The following GPC5 variants were observed in gnomAD, a reference collection of about 807,000 sequenced individuals.
GPC5 encodes the protein glypican 5.
GPC5 carries 47 observed loss-of-function variants against 53.9 expected under a neutral mutation model. The observed-to-expected ratio is 0.87, with a 90% CI of 0.69 to 1.11. GPC5 has a LOEUF of 1.11. Among genes scored for constraint, GPC5 ranks in the 50% most tolerant of loss-of-function variants. The probability of loss-of-function intolerance (pLI) is 0.00; values close to 1 mark genes in which losing one functional copy is unlikely to be tolerated. For synonymous variants in GPC5, 286 were observed against 263.3 expected, an observed-to-expected ratio of 1.09 and a Z score of -0.84; for missense variants, 748 against 713.1, an observed-to-expected ratio of 1.05 and a Z score of -0.56.
chr13:91,540,333 G>A (rs772311621), intron 2 of GPC5, among the ~76,000 whole-genome samples: 6 of 152,174 alleles, frequency 3.9e-5, no homozygotes, highest in African/African-American at 7.2e-5. Context: ...CTCTGGCCAG[G>A]CCTTAGAATT....
At chr13:91,966,513 C>T (rs2040182163) in intron 6 of GPC5, among the ~76,000 whole-genome samples, 1 of 152,104 alleles carries the variant, frequency 6.6e-6, no homozygotes. Context: ...GAGATTGAGA[C>T]AGGTGTATGT....
Position 91,693,272 on chromosome 13 carries a change from T to C in GPC5, c.411T>C (p.Ala137=). ...CSTYRNMALE[A]AASVQEFFTD... ...CCTACAGGAACATGGCCTTGGAGGC[T>C]GCTGCTTCGGTTCAGGAGTTCTTCA... Residue 137 remains alanine (A), a synonymous_variant, in exon 3 of 8, where the codon GCT becomes GCC. Coordinates refer to ENST00000377067, the MANE Select transcript of GPC5 (RefSeq NM_004466.6). 1 of 1,614,114 alleles carries C rather than the reference T, an allele frequency of 6.2e-7. No homozygotes were observed. Among genetic ancestry groups the C allele is most frequent in the Non-Finnish European group, 8.5e-7 (1 of 1,180,002 alleles).
intron 2 of GPC5, among the ~76,000 whole-genome samples, chr13:91,508,374 T>C (rs1885059535): frequency 6.6e-6 from 1 of 152,228 alleles, no homozygotes; most frequent in African/African-American, 2.4e-5. Flanking sequence ...ATGAGCCATA[T>C]TGTTAGACGA....
Position 92,565,133 on chromosome 13 carries a change from T to C in GPC5, c.1562-301149T>C, listed in dbSNP as rs564989925. ...CACTAATACCTAAAGTATTTGTCAA[T>C]TAAGCATAATTTTGTCTGAAATAGC... is the stretch of plus-strand genomic sequence containing the variant. On this transcript the variant is annotated intron_variant, in intron 7 of 7. Coordinates refer to ENST00000377067, the MANE Select transcript of GPC5 (RefSeq NM_004466.6). Among the ~76,000 whole-genome samples, 192 of 152,198 alleles carry C rather than the reference T, an allele frequency of 1.3e-3. 1 individual carries two copies. The highest frequency in any genetic ancestry group is 4.5e-3 in the African/African-American group (187 of 41,570).
intron 7 of GPC5, among the ~76,000 whole-genome samples, chr13:92,329,506 G>A (rs1442911389): frequency 6.6e-6 from 1 of 152,046 alleles, no homozygotes; most frequent in Non-Finnish European, 1.5e-5. Flanking sequence ...CCAACATTAA[G>A]AATCACATTT....
In GPC5 at chr13:91,572,110, C is replaced by CATGTATATATACGTGTGTATATACACAT. The variant is rs1566517074; in HGVS notation, c.326-121055_326-121028dup. On this transcript the variant is annotated intron_variant, in intron 2 of 7. Transcript: ENST00000377067. The stretch of plus-strand genomic sequence containing the variant: ...ATGTACATGTGTGTGTATATACACA[C>CATGTATATATACGTGTGTATATACACAT]ATGTATATATACGTGTGTATATACA... 2.7e-4 allele frequency among the ~76,000 whole-genome samples: 29 copies of CATGTATATATACGTGTGTATATACACAT among 105,986 alleles called. 3 individuals carry two copies. The highest frequency in any genetic ancestry group is 6.8e-4 in the East Asian group (3 of 4,400). The allele number at this position is 105,986 out of a possible 152,430, so 69.5% of individuals were successfully genotyped here. A position where few individuals can be genotyped will look rare whatever the true frequency, so the allele number is the denominator to read the frequency against.
At position 91,693,192 on chromosome 13, in the gene GPC5, C is replaced by G; in HGVS notation, c.331C>G (p.Leu111Val). ...TACCTCTGCTTGTGTTACAGAAACC[C>G]TTGAAACTCTCATCAAACAAGCAGA... ...SRNAAAFQET[L>V]ETLIKQAENY... Residue 111 changes from leucine to valine, a missense_variant, in exon 3 of 8, where the codon CTT becomes GTT. Coordinates refer to ENST00000377067, the MANE Select transcript of GPC5 (RefSeq NM_004466.6). The G allele has an allele frequency of 6.2e-7, 1 of 1,611,620 alleles. No homozygotes were observed. Among genetic ancestry groups the G allele is most frequent in the Admixed American group, 1.7e-5 (1 of 59,800 alleles).
At chr13:91,798,686 T>G (rs1427282527) in intron 5 of GPC5, among the ~76,000 whole-genome samples, 1 of 152,210 alleles carries the variant, frequency 6.6e-6, no homozygotes, top group East Asian at 1.9e-4. Context: ...TTTATATTCC[T>G]TTACGTATAT....
At chr13:92,031,730 T>A (rs1210716110) in intron 6 of GPC5, among the ~76,000 whole-genome samples, 16 of 72,966 alleles carry the variant, frequency 2.2e-4, no homozygotes, top group African/African-American at 6.7e-4. Context: ...TGTAATATAT[T>A]ACATATTATA....
intron 7 of GPC5, among the ~76,000 whole-genome samples, chr13:92,392,845 T>G (rs1474817696): frequency 6.6e-6 from 1 of 152,116 alleles, no homozygotes; most frequent in East Asian, 1.9e-4. Flanking sequence ...AAAACCAAAA[T>G]GAGATGCCAT....
chr13:92,445,027 T>A (rs892614454), intron 7 of GPC5, among the ~76,000 whole-genome samples: 3 of 152,148 alleles, frequency 2.0e-5, no homozygotes, highest in African/African-American at 7.2e-5. Context: ...AAATTATGTA[T>A]AATCAATGGA....
chr13:92,406,301 G>A (rs1300056747), intron 7 of GPC5, among the ~76,000 whole-genome samples: 1 of 152,178 alleles, frequency 6.6e-6, no homozygotes, highest in Non-Finnish European at 1.5e-5. Context: ...GCTATTTTCT[G>A]TGAAACTCCA....
At chr13:92,128,613 G>A (rs1312017872) in intron 6 of GPC5, among the ~76,000 whole-genome samples, 1 of 152,166 alleles carries the variant, frequency 6.6e-6, no homozygotes. Flanking sequence ...AGCAAAACCT[G>A]TTTAGAACAG....
intron 7 of GPC5, among the ~76,000 whole-genome samples, chr13:92,744,392 G>A (rs754162900): frequency 9.2e-5 from 14 of 151,914 alleles, no homozygotes; most frequent in African/African-American, 1.7e-4. Flanking sequence ...GTATAAGAGC[G>A]ATTTGGAACT....
chr13:92,029,670 A>T (rs2040826471), intron 6 of GPC5, among the ~76,000 whole-genome samples: 1 of 152,102 alleles, frequency 6.6e-6, no homozygotes, highest in African/African-American at 2.4e-5. Context: ...GTATAGGTTG[A>T]CTCATTGCTG....
chr13:92,470,551 A>G lies in GPC5; in HGVS notation c.1561+325562A>G, dbSNP rs184828517. Among the ~76,000 whole-genome samples the G allele has an allele frequency of 1.4e-3, 217 of 152,190 alleles. 1 individual carries two copies. The highest frequency in any genetic ancestry group is 5.0e-3 in the African/African-American group (208 of 41,532). On this transcript the variant is annotated intron_variant, in intron 7 of 7. Coordinates refer to ENST00000377067, the MANE Select transcript of GPC5 (RefSeq NM_004466.6). Reference sequence around the variant, plus strand: ...AGAGAAAAACTCAGAAAAAAACAGAAAGGCAAACTATAATAAGAAAGCATG... The same window carrying G: ...AGAGAAAAACTCAGAAAAAAACAGAGAGGCAAACTATAATAAGAAAGCATG...
chr13:92,423,531 G>C (rs1023287850), intron 7 of GPC5, among the ~76,000 whole-genome samples: 1 of 152,150 alleles, frequency 6.6e-6, no homozygotes, highest in Non-Finnish European at 1.5e-5. Context: ...ATCACTAACT[G>C]TTATTGTTGT....
chr13:91,485,493 C>T (rs1402860455), intron 2 of GPC5, among the ~76,000 whole-genome samples: 1 of 152,224 alleles, frequency 6.6e-6, no homozygotes, highest in African/African-American at 2.4e-5. Flanking sequence ...GCTGGGATTA[C>T]AGGCGTGAGC....
intron 7 of GPC5, among the ~76,000 whole-genome samples, chr13:92,255,449 A>T (rs1199777646): frequency 1.3e-5 from 2 of 152,182 alleles, no homozygotes; most frequent in East Asian, 3.8e-4. Context: ...TTACATGGGG[A>T]TAACTTTGTC....
Sources: gnomAD v4.1 joint callset for allele counts (sites outside exome capture counted in the v4.1 genomes callset) on GRCh38, gnomAD v4.1.1 for gene constraint, MANE v1.5 for transcripts, NCBI Gene and HGNC (gene_info 2026-07-23, HGNC 2026-07-21) for gene names.